CCNK: variants seen among roughly 807,000 people sequenced by gnomAD.
The protein encoded by CCNK is cyclin K, also known as cyclin-K.
A neutral mutation model predicts 65.0 loss-of-function variants in CCNK; 9 were observed. That is an observed-to-expected ratio of 0.14 (90% CI 0.08 to 0.24). CCNK has a LOEUF of 0.24. CCNK is among the 10% of genes least tolerant of loss of function. The probability of loss-of-function intolerance (pLI) is 1.00; values close to 1 mark genes in which losing one functional copy is unlikely to be tolerated. For missense variants in CCNK, 474 were observed against 720.0 expected, an observed-to-expected ratio of 0.66 and a Z score of 3.91; for synonymous variants, 279 against 270.8, an observed-to-expected ratio of 1.03 and a Z score of -0.30.
chr14:99,510,801 CTTTG>C lies in CCNK; in HGVS notation c.*23_*26del, dbSNP rs1897112016. On this transcript the variant is annotated 3_prime_UTR_variant, in exon 11 of 11. Transcript: ENST00000389879. ...GAGATAACGTGAGCCTTTTTTCCCT[CTTTG>C]TTTTTTTAACAAGATTTTCTAATCG... 7.1e-7 allele frequency: 1 copy of C among 1,412,448 alleles called. No individual in the cohort carries two copies. The highest frequency in any genetic ancestry group is 9.2e-7 in the Non-Finnish European group (1 of 1,082,794). The allele number at this position is 1,412,448 out of a possible 1,614,324, so 87.5% of individuals were successfully genotyped here.
chr14:99,510,063 C>A, intron 10 of CCNK, 94 bp from the exon 11 acceptor site: 1 of 1,296,404 alleles, frequency 7.7e-7, no homozygotes, highest in Non-Finnish European at 1.0e-6. Flanking sequence ...CTGCTCCCTG[C>A]TCCTCTGTAA....
rs973863730 is a variant in CCNK, at chr14:99,493,419, T to C, written c.198-95T>C. 5 of 713,200 alleles carry C rather than the reference T, an allele frequency of 7.0e-6. No individual in the cohort carries two copies. In the African/African-American group the frequency reaches 7.1e-5, roughly 10 times the overall value. The allele number at this position is 713,200 out of a possible 1,614,324, so 44.2% of individuals were successfully genotyped here. On this transcript the variant is annotated intron_variant, in intron 2 of 10. Transcript: ENST00000389879. ...CTAATATTGTTTACTTTACCATTGA[T>C]TTTGTTGTTGTTGTTTGTCTTTTTG... is the stretch of plus-strand genomic sequence containing the variant.
intron 1 of CCNK, among the ~76,000 whole-genome samples, chr14:99,486,392 T>C (rs1217461332): frequency 6.6e-6 from 1 of 152,196 alleles, no homozygotes; most frequent in African/African-American, 2.4e-5. Flanking sequence ...TTGGTACAAG[T>C]TCACAGAGTT....
At chr14:99,492,098 A>G (rs945829895) in intron 1 of CCNK, 5 of 152,308 alleles carry the variant, frequency 3.3e-5, no homozygotes, top group African/African-American at 1.2e-4. Flanking sequence ...TACATCAGTG[A>G]ATTCAGTGAT....
intron 1 of CCNK, among the ~76,000 whole-genome samples, chr14:99,482,978 C>A (rs556652973): frequency 6.6e-6 from 1 of 152,266 alleles, no homozygotes; most frequent in East Asian, 1.9e-4. Context: ...ACAGAGTGAT[C>A]ATATTTTTAA....
chr14:99,503,425 A>G (rs892227648), intron 8 of CCNK, 186 bp from the exon 9 acceptor site: 3 of 608,958 alleles, frequency 4.9e-6, no homozygotes, highest in Non-Finnish European at 2.9e-6. Flanking sequence ...GGAAAGAGGA[A>G]GGGAGCAGAA....
chr14:99,501,047 G>T, intron 5 of CCNK, 176 bp downstream of exon 5: 1 of 609,778 alleles, frequency 1.6e-6, no homozygotes, highest in African/African-American at 1.9e-5. Context: ...TTCCTTTTAT[G>T]TATAAACAGG....
intron 6 of CCNK, chr14:99,501,761 T>G: frequency 3.9e-6 from 1 of 257,284 alleles, no homozygotes; most frequent in Non-Finnish European, 7.4e-6. Context: ...CTTAACACTC[T>G]TTTGAGAGGC....
In CCNK at chr14:99,502,710, A is replaced by G. The variant is rs754025705; in HGVS notation, c.746-9A>G. The G allele has an allele frequency of 1.9e-6, 3 of 1,609,634 alleles. No individual in the cohort carries two copies. The highest frequency in any genetic ancestry group is 1.7e-6 in the Non-Finnish European group (2 of 1,176,222). On this transcript the variant is annotated splice_polypyrimidine_tract_variant and intron_variant, in intron 7 of 10. Coordinates refer to ENST00000389879, the MANE Select transcript of CCNK (RefSeq NM_001099402.2). ...TTTGTGTAAAATGTAATTGTTGGCT[A>G]TCATTTAGACATCTGCCACCAAATC... is the stretch of plus-strand genomic sequence containing the variant.
At chr14:99,507,196 A>G (rs779102890) in intron 10 of CCNK, 49 bp downstream of exon 10, 21 of 1,094,712 alleles carry the variant, frequency 1.9e-5, no homozygotes, top group Non-Finnish European at 2.7e-5. Flanking sequence ...TCGCCTCTGA[A>G]TGTTGGACGC....
chr14:99,505,905 C>T (rs1158362390), intron 9 of CCNK: 2 of 152,228 alleles, frequency 1.3e-5, no homozygotes, highest in African/African-American at 2.4e-5. Context: ...ATATGTGGCT[C>T]TCAGTTATAT....
chr14:99,482,888 T>A (rs1896387982), intron 1 of CCNK, among the ~76,000 whole-genome samples: 1 of 152,188 alleles, frequency 6.6e-6, no homozygotes, highest in African/African-American at 2.4e-5. Context: ...GGGAGGACAG[T>A]GTTTTCTGCT....
rs1463330894 is a variant in CCNK, at chr14:99,511,610, A to G, written c.*828A>G. ...GAGGCCCTCCTTCCAGACCCTGGGG[A>G]CGCGGGAGAGGCCTGGCTGCAGCTC... On this transcript the variant is annotated 3_prime_UTR_variant, in exon 11 of 11. Coordinates refer to ENST00000389879, the MANE Select transcript of CCNK (RefSeq NM_001099402.2). The G allele has an allele frequency of 6.6e-6, 1 of 152,388 alleles. No individual in the cohort carries two copies. The highest frequency in any genetic ancestry group is 1.5e-5 in the Non-Finnish European group (1 of 68,042). 9.4% of individuals were successfully genotyped at this position (152,388 alleles called of 1,614,324 possible). A position where few individuals can be genotyped will look rare whatever the true frequency, so the allele number is the denominator to read the frequency against.
At chr14:99,488,859 A>C (rs1896544387) in intron 1 of CCNK, among the ~76,000 whole-genome samples, 1 of 150,784 alleles carries the variant, frequency 6.6e-6, no homozygotes, top group Non-Finnish European at 1.5e-5. Flanking sequence ...TCTTTTTGCT[A>C]TTCAAATTAC....
chr14:99,496,360 G>C (rs1448232390), intron 4 of CCNK, among the ~76,000 whole-genome samples: 3 of 152,176 alleles, frequency 2.0e-5, no homozygotes, highest in African/African-American at 7.2e-5. Context: ...CAGATTGCTT[G>C]AGCCCAGGAA....
At chr14:99,486,254 G>A (rs1411690851) in intron 1 of CCNK, among the ~76,000 whole-genome samples, 3 of 152,118 alleles carry the variant, frequency 2.0e-5, no homozygotes, top group Non-Finnish European at 4.4e-5. Context: ...CTACTTCTTG[G>A]ACCAGTCTTT....
chr14:99,503,561 C>T, intron 8 of CCNK, 50 bp from the exon 9 acceptor site: 1 of 1,495,260 alleles, frequency 6.7e-7, no homozygotes, highest in Non-Finnish European at 9.1e-7. Context: ...ATTTTTTTCT[C>T]ATCATACTCA....
chr14:99,503,180 A>T, intron 8 of CCNK, 196 bp downstream of exon 8: 1 of 723,064 alleles, frequency 1.4e-6, no homozygotes, highest in Non-Finnish European at 2.5e-6. Context: ...TCTGAGAACC[A>T]GGAGGGGGCT....
intron 9 of CCNK, chr14:99,506,480 C>G (rs1011356873): frequency 2.0e-5 from 3 of 153,176 alleles, no homozygotes; most frequent in Non-Finnish European, 4.4e-5. Context: ...TCCTCCACCT[C>G]AAGGGGTCCT....
Sources: allele counts gnomAD v4.1 joint callset (sites outside exome capture counted in the v4.1 genomes callset), GRCh38; gene constraint gnomAD v4.1.1; transcripts MANE v1.5; gene names NCBI Gene and HGNC (gene_info 2026-07-23, HGNC 2026-07-21).